WDR44: variants seen among roughly 807,000 people sequenced by gnomAD.
WDR44 encodes the protein WD repeat domain 44, also known as WD repeat-containing protein 44.
Under a neutral mutation model 65.7 loss-of-function variants are expected in WDR44, and 9 were observed. The observed-to-expected ratio is 0.14, with a 90% CI of 0.08 to 0.24. The LOEUF (loss-of-function observed/expected upper bound fraction) is 0.24, where lower values mean the gene tolerates loss of function less well. Ranked by LOEUF, WDR44 falls within the 10% of genes least tolerant of loss-of-function variation. The pLI, the probability that WDR44 is intolerant of heterozygous loss-of-function variation, is 1.00. For missense variants in WDR44, 425 were observed against 670.9 expected (o/e 0.63, Z 4.05); for synonymous variants, 220 against 235.2 (o/e 0.94, Z 0.59).
At chrX:118,440,582 T>A (rs1303398787) in intron 14 of WDR44, among the ~76,000 whole-genome samples, 3 of 111,238 alleles carry the variant, frequency 2.7e-5, no homozygotes, top group Non-Finnish European at 5.6e-5. Flanking sequence ...TCCCATAGCA[T>A]GTTCCTGAAA....
rs2056544910 is a variant in WDR44, at chrX:118,365,486, A to AGC, written c.78-12932_78-12931dup. 1.8e-5 allele frequency among the ~76,000 whole-genome samples: 2 copies of AGC among 109,738 alleles called. 1 individual carries two copies. Among genetic ancestry groups the AGC allele is most frequent in the Non-Finnish European group, 3.8e-5 (2 of 52,703 alleles). ...CGTGCCACTGCACTCCAGCCTAAGC[A>AGC]GCAGAGCAAGACCCTGTCTCCAAAA... On this transcript the variant is annotated intron_variant, in intron 1 of 19. Transcript: ENST00000254029.
At chrX:118,373,559 T>A (rs1375148614) in intron 1 of WDR44, among the ~76,000 whole-genome samples, 1 of 112,054 alleles carries the variant, frequency 8.9e-6, no homozygotes, top group African/African-American at 3.2e-5. Context: ...GCCTTTGACT[T>A]AATCAGTTTA....
chrX:118,403,503 A>G, intron 8 of WDR44, among the ~76,000 whole-genome samples: 1 of 50,149 alleles, frequency 2.0e-5, no homozygotes, highest in African/African-American at 6.2e-4. Flanking sequence ...CTATTGACAA[A>G]AAAAAATTTA....
rs2056605431 is a variant in WDR44 at position 118,370,539 on chromosome X, G to A, written c.78-7880G>A. On this transcript the variant is annotated intron_variant, in intron 1 of 19. Transcript: ENST00000254029. ...AGGCCCTCACCGGGAGCAGATGCTG[G>A]TACCATTCTTCTTGTACAGCCTGCA... Among the ~76,000 whole-genome samples the A allele has an allele frequency of 2.7e-5, 3 of 110,244 alleles. No homozygotes were observed. The Admixed American group carries it at 2.9e-4, about 11-fold the overall frequency.
intron 19 of WDR44, among the ~76,000 whole-genome samples, chrX:118,446,091 A>G (rs897051827): frequency 9.1e-6 from 1 of 109,410 alleles, no homozygotes; most frequent in African/African-American, 3.3e-5. Flanking sequence ...CAGGAGTTCA[A>G]GACCAGCCTG....
chrX:118,359,508 A>C (rs935782731), intron 1 of WDR44, among the ~76,000 whole-genome samples: 12 of 112,327 alleles, frequency 1.1e-4, no homozygotes, highest in Non-Finnish European at 2.1e-4. Flanking sequence ...CACTACATAC[A>C]TCATTTTTGA....
At chrX:118,383,006 C>G (rs1234391510) in intron 2 of WDR44, among the ~76,000 whole-genome samples, 1 of 111,775 alleles carries the variant, frequency 8.9e-6, no homozygotes, top group Non-Finnish European at 1.9e-5. Context: ...AAAGCCTGAT[C>G]AAGGTGTTAG....
At chrX:118,381,329 C>T (rs1159398312) in intron 2 of WDR44, among the ~76,000 whole-genome samples, 1 of 109,344 alleles carries the variant, frequency 9.1e-6, no homozygotes, top group Non-Finnish European at 1.9e-5. Flanking sequence ...ATTAGCCAGG[C>T]GTGGTGGCAC....
chrX:118,445,378 A>G (rs747986712), intron 19 of WDR44, among the ~76,000 whole-genome samples: 17 of 112,627 alleles, frequency 1.5e-4, no homozygotes, highest in Non-Finnish European at 3.0e-4. Context: ...ATGCAAATGT[A>G]AAACTTCTTT....
At chrX:118,365,472 A>T (rs747365908) in intron 1 of WDR44, among the ~76,000 whole-genome samples, 1 of 109,353 alleles carries the variant, frequency 9.1e-6, no homozygotes, top group Admixed American at 9.9e-5. Flanking sequence ...GTGCCACTGC[A>T]CTCCAGCCTA....
intron 1 of WDR44, among the ~76,000 whole-genome samples, chrX:118,352,344 A>ATTTT (rs2056417909): frequency 4.3e-5 from 1 of 23,070 alleles, no homozygotes; most frequent in Admixed American, 8.2e-4. Flanking sequence ...ATATATATAT[A>ATTTT]TATATATATT....
intron 8 of WDR44, among the ~76,000 whole-genome samples, chrX:118,403,500 CAAA>C (rs10611060): frequency 0.43 from 47,276 of 109,024 alleles, 10,782 homozygotes; most frequent in African/African-American, 0.86. Flanking sequence ...CCTCTATTGA[CAAA>C]AAAAAATTTA....
intron 1 of WDR44, among the ~76,000 whole-genome samples, chrX:118,355,159 A>G (rs1029854147): frequency 1.6e-4 from 18 of 111,808 alleles, no homozygotes; most frequent in African/African-American, 4.6e-4. Context: ...TCCATGCCAA[A>G]CTAAAATGGC....
chrX:118,425,735 A>G (rs745735374), intron 12 of WDR44, among the ~76,000 whole-genome samples: 89 of 112,316 alleles, frequency 7.9e-4, no homozygotes, highest in Non-Finnish European at 1.2e-3. Flanking sequence ...GTGCTAATGA[A>G]TGTCAAAAGC....
chrX:118,434,625 T>C (rs916362037), intron 13 of WDR44, among the ~76,000 whole-genome samples: 3 of 111,747 alleles, frequency 2.7e-5, no homozygotes, highest in Non-Finnish European at 3.8e-5. Context: ...GTTATTTCAA[T>C]GAGGTGCTGC....
chrX:118,353,523 A>G (rs2056432721), intron 1 of WDR44, among the ~76,000 whole-genome samples: 1 of 112,238 alleles, frequency 8.9e-6, no homozygotes, highest in Non-Finnish European at 1.9e-5. Context: ...CATCAGAGTC[A>G]GTTGTTTTTT....
chrX:118,360,325 C>T (rs1379316256), intron 1 of WDR44, among the ~76,000 whole-genome samples: 1 of 112,342 alleles, frequency 8.9e-6, no homozygotes, highest in African/African-American at 3.2e-5. Flanking sequence ...CAAAGGAGAA[C>T]AGTCTCTTGT....
intron 8 of WDR44, among the ~76,000 whole-genome samples, chrX:118,403,774 C>T (rs1315598536): frequency 8.9e-6 from 1 of 111,774 alleles, no homozygotes. Flanking sequence ...GAGATGCATA[C>T]TTAGTTTACC....
At chrX:118,408,088 C>T (rs1425156784) in intron 10 of WDR44, among the ~76,000 whole-genome samples, 2 of 112,059 alleles carry the variant, frequency 1.8e-5, no homozygotes, top group Admixed American at 9.5e-5. Context: ...AAAATCTCAT[C>T]GTAGTAGGCT....
Sources: gnomAD v4.1 joint callset for allele counts (sites outside exome capture counted in the v4.1 genomes callset) on GRCh38, gnomAD v4.1.1 for gene constraint, MANE v1.5 for transcripts, NCBI Gene and HGNC (gene_info 2026-07-23, HGNC 2026-07-21) for gene names.